The following ASIC2 variants were observed in gnomAD, a reference collection of about 807,000 sequenced individuals.
ASIC2 encodes the protein acid-sensing ion channel 2.
Under a neutral mutation model 57.3 loss-of-function variants are expected in ASIC2, and 25 were observed. The ratio of observed to expected loss-of-function variants is 0.44; its 90% CI spans 0.32 to 0.61. The LOEUF is 0.61. Ranked by LOEUF, ASIC2 falls within the 20% of genes least tolerant of loss-of-function variation. The pLI is 0.06. For synonymous variants in ASIC2, 319 were observed against 307.5 expected (o/e 1.04, Z -0.39); for missense variants, 641 against 738.1 (o/e 0.87, Z 1.52).
chr17:33,997,911 C>T (rs1027352712), intron 1 of ASIC2, among the ~76,000 whole-genome samples: 1 of 151,968 alleles, frequency 6.6e-6, no homozygotes, highest in Non-Finnish European at 1.5e-5. Flanking sequence ...AAGTGTTTTT[C>T]TCTCTTCAAT....
chr17:33,377,136 C>T (rs1909308465), intron 1 of ASIC2, among the ~76,000 whole-genome samples: 1 of 152,132 alleles, frequency 6.6e-6, no homozygotes, highest in Non-Finnish European at 1.5e-5. Flanking sequence ...CTGCAACCTC[C>T]TCCTCCTGGG....
At chr17:34,088,403 T>C (rs1045936379) in intron 1 of ASIC2, among the ~76,000 whole-genome samples, 4 of 152,212 alleles carry the variant, frequency 2.6e-5, no homozygotes, top group African/African-American at 7.2e-5. Context: ...CCTCTGGAAG[T>C]TTTGTCTCAG....
chr17:33,852,322 A>G (rs1597902671), intron 1 of ASIC2, among the ~76,000 whole-genome samples: 1 of 152,208 alleles, frequency 6.6e-6, no homozygotes, highest in African/African-American at 2.4e-5. Context: ...TGTGGCAGGC[A>G]TGCATGAGCT....
Position 34,037,871 on chromosome 17 carries a change from A to G in ASIC2, c.555+118107T>C, listed in dbSNP as rs551034902. ...TTTAAGAATCGTATTCTCTTGTAGG[A>G]TGTCTTGCTGAGACTGGTTATGGCC... On this transcript the variant is annotated intron_variant, in intron 1 of 9. Coordinates refer to the ASIC2 transcript ENST00000359872. 6.7e-5 allele frequency: 108 copies of G among 1,613,908 alleles called. 1 individual carries two copies. Among genetic ancestry groups the G allele is most frequent in the South Asian group, 5.4e-4 (49 of 91,060 alleles).
At chr17:33,669,868 A>C (rs1054020719) in intron 1 of ASIC2, among the ~76,000 whole-genome samples, 1 of 152,182 alleles carries the variant, frequency 6.6e-6, no homozygotes, top group African/African-American at 2.4e-5. Context: ...TCAGGCACCC[A>C]TAAGACAAAC....
chr17:33,759,773 C>T (rs765510930), intron 1 of ASIC2, among the ~76,000 whole-genome samples: 17 of 152,278 alleles, frequency 1.1e-4, no homozygotes, highest in South Asian at 4.1e-4. Flanking sequence ...CTTGTGCTGC[C>T]GCTCTAGAAG....
intron 1 of ASIC2, among the ~76,000 whole-genome samples, chr17:33,406,884 G>C (rs1053413014): frequency 2.6e-5 from 4 of 152,188 alleles, no homozygotes; most frequent in Admixed American, 6.5e-5. Context: ...TGAAAATGAT[G>C]AAAGTTATAA....
chr17:33,178,275 C>G (rs1217841430), intron 1 of ASIC2, among the ~76,000 whole-genome samples: 1 of 152,084 alleles, frequency 6.6e-6, no homozygotes, highest in African/African-American at 2.4e-5. Context: ...TAACTTGTAT[C>G]TGTCAATTAA....
chr17:33,878,208 C>T (rs1218025953), intron 1 of ASIC2, among the ~76,000 whole-genome samples: 2 of 152,204 alleles, frequency 1.3e-5, no homozygotes, highest in African/African-American at 2.4e-5. Flanking sequence ...CGCCTCTCCT[C>T]CTCCAAAGGA....
At chr17:33,921,073 C>A (rs1407205144) in intron 1 of ASIC2, among the ~76,000 whole-genome samples, 1 of 152,166 alleles carries the variant, frequency 6.6e-6, no homozygotes, top group Non-Finnish European at 1.5e-5. Context: ...TGTCACTGTG[C>A]ACTTATTATT....
At chr17:34,009,478 A>G (rs1199261003) in intron 1 of ASIC2, among the ~76,000 whole-genome samples, 4 of 152,252 alleles carry the variant, frequency 2.6e-5, no homozygotes, top group Non-Finnish European at 5.9e-5. Context: ...AATTTTTTAT[A>G]CATATTACAT....
intron 6 of ASIC2, among the ~76,000 whole-genome samples, chr17:33,021,710 C>G (rs529775711): frequency 4.6e-4 from 70 of 152,236 alleles, no homozygotes; most frequent in Non-Finnish European, 8.1e-4. Context: ...ATGGGCAGCC[C>G]CTGCCCACTC....
intron 1 of ASIC2, among the ~76,000 whole-genome samples, chr17:33,335,704 G>A (rs766776181): frequency 3.9e-5 from 6 of 152,174 alleles, no homozygotes; most frequent in Non-Finnish European, 8.8e-5. Context: ...TCCAAGCAGT[G>A]GTACCACAGC....
At chr17:33,280,839 G>T (rs1244588646) in intron 1 of ASIC2, among the ~76,000 whole-genome samples, 1 of 152,020 alleles carries the variant, frequency 6.6e-6, no homozygotes, top group Non-Finnish European at 1.5e-5. Context: ...AGTAGACTTA[G>T]ATTTATGGAT....
chr17:33,603,020 T>G (rs1905146375), intron 1 of ASIC2, among the ~76,000 whole-genome samples: 1 of 152,170 alleles, frequency 6.6e-6, no homozygotes, highest in Non-Finnish European at 1.5e-5. Context: ...GTGTGAACAT[T>G]TTCAAAATCC....
chr17:33,725,721 AC>A (rs3064573), intron 1 of ASIC2, among the ~76,000 whole-genome samples: 70,283 of 130,614 alleles, frequency 0.54, 17,943 homozygotes, highest in Middle Eastern at 0.68. Flanking sequence ...CTATTAAGAA[AC>A]CCCCCCCCCC....
At chr17:33,322,492 G>A (rs561869310) in intron 1 of ASIC2, among the ~76,000 whole-genome samples, 1 of 152,118 alleles carries the variant, frequency 6.6e-6, no homozygotes, top group African/African-American at 2.4e-5. Context: ...TTAATCCACC[G>A]ATAGGTACAA....
intron 1 of ASIC2, among the ~76,000 whole-genome samples, chr17:33,516,526 TG>T (rs1335070934): frequency 6.6e-6 from 1 of 152,104 alleles, no homozygotes; most frequent in Non-Finnish European, 1.5e-5. Context: ...GACTTGAAAA[TG>T]CCGATATTCA....
chr17:33,203,258 C>T lies in ASIC2; in HGVS notation c.708+88150G>A, dbSNP rs992086224. On this transcript the variant is annotated intron_variant, in intron 1 of 9. Coordinates refer to ENST00000225823, the MANE Select transcript of ASIC2 (RefSeq NM_183377.2). ...GATTTTTATAGCCCCAAAGCTTAGTCCTGCCTCTGGCGCATAATAATGCAT... is the reference window on the plus strand; with the variant it reads ...GATTTTTATAGCCCCAAAGCTTAGTTCTGCCTCTGGCGCATAATAATGCAT... 4.6e-5 allele frequency among the ~76,000 whole-genome samples: 7 copies of T among 152,352 alleles called. 1 individual carries two copies. The highest frequency in any genetic ancestry group is 6.8e-3 in the Middle Eastern group (2 of 294).
Sources: gnomAD v4.1 joint callset for allele counts (sites outside exome capture counted in the v4.1 genomes callset) on GRCh38, gnomAD v4.1.1 for gene constraint, MANE v1.5 for transcripts, NCBI Gene and HGNC (gene_info 2026-07-23, HGNC 2026-07-21) for gene names.